The following SGMS2 variants were observed in gnomAD, a reference collection of about 807,000 sequenced individuals.
SGMS2 encodes the protein phosphatidylcholine:ceramide cholinephosphotransferase 2.
SGMS2 carries 21 observed loss-of-function variants against 43.8 expected under a neutral mutation model. The observed-to-expected ratio is 0.48, with a 90% CI of 0.34 to 0.69. SGMS2 has a LOEUF of 0.69. Ranked by LOEUF, SGMS2 falls within the 30% of genes least tolerant of loss-of-function variation. The pLI is 0.01. For missense variants in SGMS2, 384 were observed against 443.2 expected (o/e 0.87, Z 1.20); for synonymous variants, 167 against 160.6 (o/e 1.04, Z -0.30).
chr4:107,866,401 A>C (rs1728123667), intron 2 of SGMS2, among the ~76,000 whole-genome samples: 1 of 152,100 alleles, frequency 6.6e-6, no homozygotes, highest in Non-Finnish European at 1.5e-5. Context: ...CCCTGTCTCT[A>C]CTAAAAACAG....
chr4:107,868,206 T>A (rs1357199470), intron 2 of SGMS2, among the ~76,000 whole-genome samples: 1 of 152,152 alleles, frequency 6.6e-6, no homozygotes, highest in East Asian at 1.9e-4. Flanking sequence ...CTTGGAGAAA[T>A]TTTCACTTTT....
At chr4:107,825,861 G>A (rs1232822856) in intron 1 of SGMS2, among the ~76,000 whole-genome samples, 1 of 152,054 alleles carries the variant, frequency 6.6e-6, no homozygotes, top group Non-Finnish European at 1.5e-5. Flanking sequence ...AAAATGTTAT[G>A]TCCTGTAGTC....
rs1732333222 is a variant in SGMS2 at position 107,914,523 on chromosome 4, T to C, written c.*3970T>C. 2.0e-5 allele frequency: 3 copies of C among 152,246 alleles called. No homozygotes were observed. The South Asian group carries it at 6.2e-4, about 32-fold the overall frequency. 9.4% of individuals were successfully genotyped at this position (152,246 alleles called of 1,614,324 possible). On this transcript the variant is annotated 3_prime_UTR_variant, in exon 7 of 7. Transcript: ENST00000690982. ...TTTCAGAGGTAGCCAATTGCATTCT[T>C]TTGGAAATTTACTGTACTGTTTCAA...
At chr4:107,885,384 C>T (rs1251087671) in intron 2 of SGMS2, among the ~76,000 whole-genome samples, 1 of 152,006 alleles carries the variant, frequency 6.6e-6, no homozygotes, top group African/African-American at 2.4e-5. Context: ...ACTCAGTATC[C>T]AATTGATGTT....
chr4:107,833,471 T>C (rs1726003862), intron 1 of SGMS2, among the ~76,000 whole-genome samples: 2 of 152,292 alleles, frequency 1.3e-5, no homozygotes, highest in African/African-American at 4.8e-5. Context: ...CTGAAACTTT[T>C]TGAGTGCCAA....
At chr4:107,881,373 G>A (rs1027054908) in intron 2 of SGMS2, among the ~76,000 whole-genome samples, 1 of 152,106 alleles carries the variant, frequency 6.6e-6, no homozygotes, top group Non-Finnish European at 1.5e-5. Flanking sequence ...AGGCACAGAG[G>A]CTCCTGAGGT....
At position 107,913,976 on chromosome 4, in the gene SGMS2, A is replaced by G. The variant is rs1332029675; in HGVS notation, c.*3423A>G. ...CCAATCTTAATGCACTAGCCTCTGT[A>G]GTGTAAGGAAGTGTGAGAAGGAGTT... On this transcript the variant is annotated 3_prime_UTR_variant, in exon 7 of 7. Transcript: ENST00000690982. 3.3e-5 allele frequency: 5 copies of G among 152,148 alleles called. No individual in the cohort carries two copies. The allele number at this position is 152,148 out of a possible 1,614,324, so 9.4% of individuals were successfully genotyped here. A position where few individuals can be genotyped will look rare whatever the true frequency, so the allele number is the denominator to read the frequency against.
intron 2 of SGMS2, among the ~76,000 whole-genome samples, chr4:107,883,462 G>A (rs1319120156): frequency 1.3e-5 from 2 of 152,116 alleles, no homozygotes; most frequent in East Asian, 3.9e-4. Flanking sequence ...CTACAGGCGT[G>A]TGCCATCACG....
At chr4:107,901,984 G>A (rs1422793006) in intron 4 of SGMS2, among the ~76,000 whole-genome samples, 3 of 150,264 alleles carry the variant, frequency 2.0e-5, no homozygotes, top group Non-Finnish European at 3.0e-5. Context: ...TTGGCTCACC[G>A]CAACCTCCAC....
chr4:107,908,229 G>A (rs1731774628), intron 5 of SGMS2: 4 of 187,232 alleles, frequency 2.1e-5, no homozygotes, highest in South Asian at 3.5e-4. Flanking sequence ...GCTCCTTTAT[G>A]TGAGCCAGTA....
chr4:107,863,287 G>C (rs533987010), intron 2 of SGMS2, among the ~76,000 whole-genome samples: 11 of 152,188 alleles, frequency 7.2e-5, no homozygotes, highest in African/African-American at 2.7e-4. Flanking sequence ...TCATACCTCA[G>C]ATAGGGGTGG....
Position 107,839,378 on chromosome 4 carries a change from G to GT in SGMS2, c.-327+14135dup, listed in dbSNP as rs1159422745. 9.3e-4 allele frequency among the ~76,000 whole-genome samples: 129 copies of GT among 138,206 alleles called. 3 individuals carry two copies. In the East Asian group the frequency reaches 0.012, roughly 13 times the overall value. 90.7% of individuals were successfully genotyped at this position (138,206 alleles called of 152,430 possible). ...TTGCTACCAGGGCTGTGTGGAAGTG[G>GT]TTTTTTTTTTCCCTTCTCTCCTACT... On this transcript the variant is annotated intron_variant, in intron 1 of 6. Coordinates refer to ENST00000690982, the MANE Select transcript of SGMS2 (RefSeq NM_001375905.1).
chr4:107,846,113 T>A (rs1276414756), intron 1 of SGMS2, among the ~76,000 whole-genome samples: 2 of 152,104 alleles, frequency 1.3e-5, no homozygotes, highest in Admixed American at 6.5e-5. Context: ...GCTGTTTTTT[T>A]TTATTATTAT....
intron 2 of SGMS2, among the ~76,000 whole-genome samples, chr4:107,880,584 G>C (rs957615062): frequency 6.6e-5 from 10 of 152,040 alleles, no homozygotes; most frequent in East Asian, 3.9e-4. Flanking sequence ...GGCCGGGTGC[G>C]ATGGCTCACA....
At chr4:107,873,699 C>T (rs866512754) in intron 2 of SGMS2, among the ~76,000 whole-genome samples, 1 of 152,016 alleles carries the variant, frequency 6.6e-6, no homozygotes, top group African/African-American at 2.4e-5. Flanking sequence ...GTTCTGTATA[C>T]GATTTACTGT....
intron 2 of SGMS2, among the ~76,000 whole-genome samples, chr4:107,875,435 T>C (rs562034460): frequency 8.7e-4 from 132 of 152,280 alleles, no homozygotes; most frequent in African/African-American, 3.1e-3. Context: ...TGTTCTTACT[T>C]ATAAGTGGAA....
intron 3 of SGMS2, among the ~76,000 whole-genome samples, chr4:107,897,456 G>A (rs1730769527): frequency 6.6e-6 from 1 of 152,196 alleles, no homozygotes; most frequent in Admixed American, 6.5e-5. Context: ...TGCTAAGGCG[G>A]CAGATAATTT....
intron 2 of SGMS2, among the ~76,000 whole-genome samples, chr4:107,885,543 A>G (rs1294782489): frequency 2.0e-5 from 3 of 152,170 alleles, no homozygotes; most frequent in African/African-American, 7.2e-5. Context: ...TCACTCCTAA[A>G]TAAGATTTAG....
chr4:107,863,272 T>C (rs1317177897), intron 2 of SGMS2, among the ~76,000 whole-genome samples: 3 of 152,232 alleles, frequency 2.0e-5, no homozygotes, highest in Non-Finnish European at 4.4e-5. Flanking sequence ...GTTACATTTC[T>C]AACTTCATAC....
Sources: gnomAD v4.1 joint callset for allele counts (sites outside exome capture counted in the v4.1 genomes callset) on GRCh38, gnomAD v4.1.1 for gene constraint, MANE v1.5 for transcripts, NCBI Gene and HGNC (gene_info 2026-07-23, HGNC 2026-07-21) for gene names.